Variants in SPINK5 observed in about 807,000 individuals in gnomAD.
SPINK5 encodes serine protease inhibitor Kazal-type 5.
Under a neutral mutation model 151.8 loss-of-function variants are expected in SPINK5, and 125 were observed. The observed-to-expected ratio is 0.82, with a 90% CI of 0.71 to 0.96. The LOEUF (loss-of-function observed/expected upper bound fraction) is 0.96, where lower values mean the gene tolerates loss of function less well. SPINK5 is among the 40% of genes least tolerant of loss of function. The pLI is 0.00. For synonymous variants in SPINK5, 374 were observed against 395.3 expected (o/e 0.95, Z 0.64); for missense variants, 1,194 against 1,291.9 (o/e 0.92, Z 1.16).
intron 26 of SPINK5, among the ~76,000 whole-genome samples, chr5:148,123,301 A>G (rs934958406): frequency 4.6e-5 from 7 of 150,986 alleles, no homozygotes; most frequent in Admixed American, 2.6e-4. Flanking sequence ...GCAATGAGCT[A>G]TGATTGCACC....
chr5:148,135,572 TGTTA>T (rs1314128217), intron 32 of SPINK5, among the ~76,000 whole-genome samples: 9 of 152,310 alleles, frequency 5.9e-5, no homozygotes, highest in Admixed American at 1.3e-4. Flanking sequence ...ATTATTATGC[TGTTA>T]GTTAATGAAA....
intron 30 of SPINK5, among the ~76,000 whole-genome samples, chr5:148,130,480 C>A (rs541310782): frequency 2.3e-4 from 35 of 151,990 alleles, no homozygotes; most frequent in African/African-American, 8.4e-4. Context: ...CTTTTGAATA[C>A]TTTTTTTATA....
chr5:148,114,268 CTCT>C (rs1561697389), intron 20 of SPINK5, 91 bp from the exon 21 acceptor site: 72 of 1,296,118 alleles, frequency 5.6e-5, no homozygotes, highest in Non-Finnish European at 5.5e-5. Context: ...CATTTTCTCT[CTCT>C]TTTTTTTTTT....
intron 15 of SPINK5, among the ~76,000 whole-genome samples, chr5:148,102,136 T>C (rs1753663694): frequency 6.6e-6 from 1 of 151,968 alleles, no homozygotes; most frequent in Admixed American, 6.6e-5. Flanking sequence ...GAAAAACATA[T>C]AATGTGTGAT....
intron 18 of SPINK5, 78 bp downstream of exon 18, chr5:148,108,915 C>G: frequency 6.3e-7 from 1 of 1,591,828 alleles, no homozygotes; most frequent in Non-Finnish European, 8.6e-7. Flanking sequence ...TTCCCTCCTC[C>G]TCATTCCAGT....
intron 22 of SPINK5, 40 bp downstream of exon 22, chr5:148,116,506 A>C (rs2113178186): frequency 4.8e-4 from 760 of 1,574,416 alleles, no homozygotes; most frequent in Non-Finnish European, 6.0e-4. Flanking sequence ...GGGCGGGCTC[A>C]ACTCCTTGAC....
At chr5:148,070,871 C>T (rs1174566123) in intron 3 of SPINK5, among the ~76,000 whole-genome samples, 1 of 152,042 alleles carries the variant, frequency 6.6e-6, no homozygotes, top group African/African-American at 2.4e-5. Flanking sequence ...TCTCCCGTGA[C>T]AGCCAACCAG....
chr5:148,099,434 G>C (rs902792121), intron 12 of SPINK5, 119 bp downstream of exon 12: 1 of 807,920 alleles, frequency 1.2e-6, no homozygotes, highest in Non-Finnish European at 2.1e-6. Context: ...TCTTCAATCT[G>C]GGGATGGTAT....
intron 31 of SPINK5, among the ~76,000 whole-genome samples, chr5:148,131,927 A>C (rs986984462): frequency 3.3e-5 from 5 of 152,228 alleles, no homozygotes; most frequent in Non-Finnish European, 7.3e-5. Flanking sequence ...TCTCATATTT[A>C]TGACTATCTG....
intron 32 of SPINK5, 103 bp from the exon 33 acceptor site, chr5:148,136,878 AGG>A (rs1754706408): frequency 5.4e-5 from 77 of 1,416,594 alleles, no homozygotes; most frequent in Non-Finnish European, 7.5e-5. Flanking sequence ...TGCAGAATGC[AGG>A]ATCTATGGAT....
intron 4 of SPINK5, among the ~76,000 whole-genome samples, chr5:148,085,389 T>C (rs144610472): frequency 1.3e-5 from 2 of 151,958 alleles, no homozygotes; most frequent in African/African-American, 4.8e-5. Context: ...TAAAGAAAAA[T>C]TATCCAGTTT....
chr5:148,128,649 C>T (rs1414127669), intron 30 of SPINK5, among the ~76,000 whole-genome samples: 1 of 152,176 alleles, frequency 6.6e-6, no homozygotes, highest in East Asian at 1.9e-4. Flanking sequence ...CTGCCTCAGC[C>T]TCCCGAGTAG....
At chr5:148,090,730 T>C (rs2113073927) in intron 7 of SPINK5, 1 of 176,818 alleles carries the variant, frequency 5.7e-6, no homozygotes, top group Admixed American at 5.6e-5. Flanking sequence ...AGGGTGTGGA[T>C]GGCAATGTCT....
chr5:148,133,276 C>CTTGA (rs1159102523), intron 31 of SPINK5, among the ~76,000 whole-genome samples: 1 of 152,252 alleles, frequency 6.6e-6, no homozygotes, highest in East Asian at 1.9e-4. Flanking sequence ...ATTGCACTGC[C>CTTGA]TTGATAGATA....
At position 148,086,513 on chromosome 5, in the gene SPINK5, G is replaced by A; in HGVS notation, c.391G>A (p.Ala131Thr). 6.2e-7 allele frequency: 1 copy of A among 1,611,500 alleles called. No homozygotes were observed. Among genetic ancestry groups the A allele is most frequent in the Non-Finnish European group, 8.5e-7 (1 of 1,178,570 alleles). The change falls in exon 5 of 33, where the codon GCA (alanine) becomes ACA (threonine). Residue 131 changes from alanine (A) to threonine (T), a missense_variant. Coordinates refer to ENST00000256084, the MANE Select transcript of SPINK5 (RefSeq NM_006846.4). Reference sequence around the variant, plus strand: ...TGGGAAAACATATGACAACAGATGTGCACTGTGTGCTGAGAATGCGTGAGT... The same window carrying A: ...TGGGAAAACATATGACAACAGATGTACACTGTGTGCTGAGAATGCGTGAGT... ...TDGKTYDNRCALCAENAKTGS... is the reference protein window; with the variant it reads ...TDGKTYDNRCTLCAENAKTGS...
intron 32 of SPINK5, among the ~76,000 whole-genome samples, chr5:148,136,001 C>T (rs928524181): frequency 1.3e-5 from 2 of 152,118 alleles, no homozygotes; most frequent in African/African-American, 4.8e-5. Flanking sequence ...GCAGGGATCA[C>T]TGTCTTTCCC....
chr5:148,127,440 C>T (rs1450612174), intron 30 of SPINK5, among the ~76,000 whole-genome samples: 6 of 152,146 alleles, frequency 3.9e-5, no homozygotes, highest in South Asian at 4.1e-4. Flanking sequence ...ACCTAGCTTC[C>T]GCTTATTTCC....
At chr5:148,082,283 T>G (rs1220868510) in intron 4 of SPINK5, among the ~76,000 whole-genome samples, 3 of 151,508 alleles carry the variant, frequency 2.0e-5, no homozygotes, top group Non-Finnish European at 4.4e-5. Context: ...GAATACTTTA[T>G]TCTTTAAATT....
chr5:148,076,313 C>A (rs1482004947), intron 4 of SPINK5, among the ~76,000 whole-genome samples: 1 of 151,660 alleles, frequency 6.6e-6, no homozygotes, highest in African/African-American at 2.4e-5. Context: ...TAGAAACTAT[C>A]ATTTTCTTAG....
Sources: allele counts gnomAD v4.1 joint callset (sites outside exome capture counted in the v4.1 genomes callset), GRCh38; gene constraint gnomAD v4.1.1; transcripts MANE v1.5; gene names NCBI Gene and HGNC (gene_info 2026-07-23, HGNC 2026-07-21).